Variants in FAM219A observed in about 807,000 individuals in gnomAD.
The protein encoded by FAM219A is family with sequence similarity 219 member A, also known as protein FAM219A.
Under a neutral mutation model 23.4 loss-of-function variants are expected in FAM219A, and 7 were observed. That is an observed-to-expected ratio of 0.30 (90% CI 0.17 to 0.56). FAM219A has a LOEUF of 0.56. Among genes scored for constraint, FAM219A ranks in the 20% least tolerant of loss-of-function variants. FAM219A has a pLI of 0.92. For missense variants in FAM219A, 166 were observed against 246.9 expected, an observed-to-expected ratio of 0.67 and a Z score of 2.20; for synonymous variants, 93 against 99.0, an observed-to-expected ratio of 0.94 and a Z score of 0.36.
intron 1 of FAM219A, among the ~76,000 whole-genome samples, chr9:34,440,937 G>A (rs943374183): frequency 2.0e-5 from 3 of 152,012 alleles, no homozygotes; most frequent in African/African-American, 7.2e-5. Context: ...AGGCCTGATC[G>A]TATAGCACTT....
At chr9:34,423,761 G>C (rs12376917) in intron 1 of FAM219A, among the ~76,000 whole-genome samples, 1 of 152,140 alleles carries the variant, frequency 6.6e-6, no homozygotes, top group Admixed American at 6.5e-5. Flanking sequence ...AGTGTCAGTG[G>C]GGTTGGAAAA....
Position 34,439,994 on chromosome 9 carries a change from G to A in FAM219A, c.60+18210C>T, listed in dbSNP as rs187630753. On this transcript the variant is annotated intron_variant, in intron 1 of 5. Transcript: ENST00000651358. ...TTCTGTGACCGCCCAGGAGAAGGGAGCAAAGAAGTAATCAGCAACAGGTCC... is the reference window on the plus strand; with the variant it reads ...TTCTGTGACCGCCCAGGAGAAGGGAACAAAGAAGTAATCAGCAACAGGTCC... Among the ~76,000 whole-genome samples, 64 of 152,324 alleles carry A rather than the reference G, an allele frequency of 4.2e-4. 1 individual carries two copies. In the East Asian group the frequency reaches 0.011, roughly 27 times the overall value.
At position 34,401,263 on chromosome 9, in the gene FAM219A, C is replaced by T. The variant is rs548768726; in HGVS notation, c.400-141G>A. Reference sequence around the variant, plus strand: ...CCGCCCTGTCCCGGGTCTGTCTGTACCCCCAGGCCCCGCTCCTGCCTAGGC... The same window carrying T: ...CCGCCCTGTCCCGGGTCTGTCTGTATCCCCAGGCCCCGCTCCTGCCTAGGC... On this transcript the variant is annotated intron_variant, in intron 5 of 5. Transcript: ENST00000651358. 9 of 1,034,948 alleles carry T rather than the reference C, an allele frequency of 8.7e-6. No individual in the cohort carries two copies. The African/African-American group carries it at 1.1e-4, about 13-fold the overall frequency. 64.1% of individuals were successfully genotyped at this position (1,034,948 alleles called of 1,614,324 possible).
Position 34,457,795 on chromosome 9 carries a change from G to GAGATTA in FAM219A, c.60+408_60+409insTAATCT, listed in dbSNP as rs765558582. Among the ~76,000 whole-genome samples the GAGATTA allele has an allele frequency of 1.5e-3, 233 of 152,206 alleles. No homozygotes were observed. The highest frequency in any genetic ancestry group is 2.6e-3 in the Non-Finnish European group (179 of 68,002). ...GATTCCCAATCTCTCTTAGCCTGAC[G>GAGATTA]GCTCCCCCGCCCTAAGCATCACAGG... On this transcript the variant is annotated intron_variant, in intron 1 of 5. Coordinates refer to ENST00000651358, the MANE Select transcript of FAM219A (RefSeq NM_001184940.2). This position sits in a 1 kb window ranked among gnomAD's most constrained non-coding sequence, Gnocchi z 5.1.
chr9:34,416,808 A>ATGG (rs60995496), intron 1 of FAM219A, among the ~76,000 whole-genome samples: 9 of 113,640 alleles, frequency 7.9e-5, no homozygotes, highest in African/African-American at 3.1e-4. Context: ...TCAGCTCTCC[A>ATGG]TTTTTTTTTT....
chr9:34,402,218 C>T, intron 4 of FAM219A, 169 bp downstream of exon 4: 1 of 1,577,274 alleles, frequency 6.3e-7, no homozygotes, highest in Non-Finnish European at 8.6e-7. Flanking sequence ...TCTTCAACCC[C>T]CAGTCCCTGG....
chr9:34,420,830 C>G (rs1220081171), intron 1 of FAM219A, among the ~76,000 whole-genome samples: 1 of 151,628 alleles, frequency 6.6e-6, no homozygotes, highest in Non-Finnish European at 1.5e-5. Flanking sequence ...GAAAAAAAAA[C>G]TTAGCCGGGT....
At chr9:34,401,158 G>T (rs376835081) in intron 5 of FAM219A, 36 bp from the exon 6 acceptor site, 2 of 1,604,754 alleles carry the variant, frequency 1.2e-6, no homozygotes, top group Non-Finnish European at 1.7e-6. Flanking sequence ...GGCCCGAGCG[G>T]CAGGGAGGCA....
At chr9:34,441,875 C>T (rs1823187373) in intron 1 of FAM219A, among the ~76,000 whole-genome samples, 1 of 152,060 alleles carries the variant, frequency 6.6e-6, no homozygotes, top group Non-Finnish European at 1.5e-5. Context: ...AGGTGCATGC[C>T]ACGATGCCTA....
At chr9:34,445,894 G>C (rs1823351267) in intron 1 of FAM219A, among the ~76,000 whole-genome samples, 1 of 152,208 alleles carries the variant, frequency 6.6e-6, no homozygotes, top group Non-Finnish European at 1.5e-5. Context: ...TTAAAGATAG[G>C]CTGGGTGCAG....
At chr9:34,449,950 T>G (rs1438650045) in intron 1 of FAM219A, among the ~76,000 whole-genome samples, 2 of 152,170 alleles carry the variant, frequency 1.3e-5, no homozygotes, top group Non-Finnish European at 2.9e-5. Flanking sequence ...GAAATGCTGG[T>G]CTAAACCGTG....
chr9:34,450,049 C>T (rs117349416), intron 1 of FAM219A, among the ~76,000 whole-genome samples: 430 of 152,300 alleles, frequency 2.8e-3, no homozygotes, highest in Non-Finnish European at 5.1e-3. Flanking sequence ...TGGTGGCTTA[C>T]ACCTGTAATC....
chr9:34,418,627 G>A (rs1170862686), intron 1 of FAM219A, among the ~76,000 whole-genome samples: 1 of 152,194 alleles, frequency 6.6e-6, no homozygotes, highest in African/African-American at 2.4e-5. Context: ...TAAGACATTG[G>A]TCTTGGCCTA....
At chr9:34,404,450 G>A (rs1349101683) in intron 2 of FAM219A, among the ~76,000 whole-genome samples, 1 of 152,234 alleles carries the variant, frequency 6.6e-6, no homozygotes, top group Non-Finnish European at 1.5e-5. Context: ...GCTCATGCCT[G>A]TAATCCCAGC....
intron 1 of FAM219A, among the ~76,000 whole-genome samples, chr9:34,427,304 T>C (rs1405927028): frequency 6.6e-6 from 1 of 152,132 alleles, no homozygotes; most frequent in Non-Finnish European, 1.5e-5. Flanking sequence ...CCCAAGTAGC[T>C]GGGACTACAG....
chr9:34,453,604 G>A (rs942699396), intron 1 of FAM219A, among the ~76,000 whole-genome samples: 3 of 152,270 alleles, frequency 2.0e-5, no homozygotes, highest in African/African-American at 7.2e-5. Flanking sequence ...GTAGATGCTC[G>A]TGAACTAAAC....
chr9:34,433,904 A>G (rs1273417717), intron 1 of FAM219A, among the ~76,000 whole-genome samples: 2 of 152,208 alleles, frequency 1.3e-5, no homozygotes, highest in Non-Finnish European at 1.5e-5. Context: ...GGTTGGTTTT[A>G]AGAATGAAGT....
chr9:34,441,263 C>G (rs1349217841), intron 1 of FAM219A, among the ~76,000 whole-genome samples: 1 of 152,330 alleles, frequency 6.6e-6, no homozygotes, highest in South Asian at 2.1e-4. Context: ...CAAAAATAAA[C>G]CCAGCCCTTG....
At position 34,402,787 on chromosome 9, in the gene FAM219A, G is replaced by C; in HGVS notation, c.181C>G (p.Arg61Gly). 6.2e-7 allele frequency: 1 copy of C among 1,614,152 alleles called. No individual in the cohort carries two copies. Among genetic ancestry groups the C allele is most frequent in the Non-Finnish European group, 8.5e-7 (1 of 1,180,008 alleles). The change falls in exon 3 of 6, where the codon CGG (arginine) becomes GGG (glycine). Residue 61 changes from arginine to glycine, a missense_variant. Arg to Gly is a moderately radical substitution (Grantham distance 125). Transcript: ENST00000651358. ...CTGCCATTCTTCAGGGAGCCCTTCC[G>C]GGCCAGCTCCCGCTGCTTCTCTGCA... ...VKLEKQRELARKGSLKNGSMG... is the reference protein window; with the variant it reads ...VKLEKQRELAGKGSLKNGSMG...
Sources: allele counts gnomAD v4.1 joint callset (sites outside exome capture counted in the v4.1 genomes callset), GRCh38; gene constraint gnomAD v4.1.1; non-coding constraint Gnocchi (gnomAD v3.1); transcripts MANE v1.5; gene names NCBI Gene and HGNC (gene_info 2026-07-23, HGNC 2026-07-21).